The following PCDHGA8 variants were observed in gnomAD, a reference collection of about 807,000 sequenced individuals.
PCDHGA8 encodes protocadherin gamma subfamily A, 8.
Under a neutral mutation model 59.2 loss-of-function variants are expected in PCDHGA8, and 45 were observed. The ratio of observed to expected loss-of-function variants is 0.76; its 90% CI spans 0.60 to 0.98. The LOEUF (loss-of-function observed/expected upper bound fraction) is 0.98. Ranked by LOEUF, PCDHGA8 falls within the 50% of genes least tolerant of loss-of-function variation. PCDHGA8 has a pLI of 0.00. For synonymous variants in PCDHGA8, 531 were observed against 519.0 expected (o/e 1.02, Z -0.32); for missense variants, 1,257 against 1,196.2 (o/e 1.05, Z -0.75).
intron 1 of PCDHGA8, among the ~76,000 whole-genome samples, chr5:141,452,103 TTTCTC>T (rs1428635203): frequency 1.3e-5 from 2 of 152,186 alleles, no homozygotes; most frequent in African/African-American, 4.8e-5. Context: ...AGAGCTTTCT[TTTCTC>T]TTCTTATTTA....
At chr5:141,422,789 T>A (rs776409955) in intron 1 of PCDHGA8, 16 of 1,614,158 alleles carry the variant, frequency 9.9e-6, no homozygotes, top group Non-Finnish European at 1.4e-5. Context: ...CTACAATCCT[T>A]CGACTATGAG....
chr5:141,494,537 G>C (rs2099755111), intron 1 of PCDHGA8, among the ~76,000 whole-genome samples: 1 of 152,168 alleles, frequency 6.6e-6, no homozygotes, highest in Non-Finnish European at 1.5e-5. Flanking sequence ...TGGGGGCAGG[G>C]AGGAAGGGGC....
At position 141,403,415 on chromosome 5, in the gene PCDHGA8, C is replaced by T. The variant is rs770058522; in HGVS notation, c.2424+8178C>T. 6.8e-6 allele frequency: 11 copies of T among 1,614,046 alleles called. No individual in the cohort carries two copies. The South Asian group carries it at 1.2e-4, about 18-fold the overall frequency. ...GGTTCCTGGAGCACGTTATCCACTT[C>T]CAGAAGCTATTGATCCGGATGTTGG... On this transcript the variant is annotated intron_variant, in intron 1 of 3. Coordinates refer to ENST00000398604, the MANE Select transcript of PCDHGA8 (RefSeq NM_032088.2).
rs1561728654 is a variant in PCDHGA8, at chr5:141,410,479, G to C, written c.2424+15242G>C. 3.7e-6 allele frequency: 6 copies of C among 1,613,838 alleles called. No homozygotes were observed. In the African/African-American group the frequency reaches 8.0e-5, roughly 22 times the overall value. ...CTTATAATCTGTGCATTGCACATAC[G>C]GGTACAAAAGAGTTTAATTTCCTAA... On this transcript the variant is annotated intron_variant, in intron 1 of 3. Coordinates refer to ENST00000398604, the MANE Select transcript of PCDHGA8 (RefSeq NM_032088.2).
At position 141,486,679 on chromosome 5, in the gene PCDHGA8, A is replaced by G. The variant is rs1416879364; in HGVS notation, c.2425-8128A>G. The G allele has an allele frequency of 6.2e-7, 1 of 1,614,092 alleles. No individual in the cohort carries two copies. The highest frequency in any genetic ancestry group is 1.7e-5 in the Admixed American group (1 of 60,026). On this transcript the variant is annotated intron_variant, in intron 1 of 3. Coordinates refer to ENST00000398604, the MANE Select transcript of PCDHGA8 (RefSeq NM_032088.2). The surrounding 1 kb of genome is among the most constrained non-coding windows in gnomAD (Gnocchi z 5.0). Reference sequence around the variant, plus strand: ...TCCTGGAGCCCAGGAATCGAGATGTATCAGCTTCCTCTTTCATCTCTCTGA... The same window carrying G: ...TCCTGGAGCCCAGGAATCGAGATGTGTCAGCTTCCTCTTTCATCTCTCTGA...
At chr5:141,456,352 C>T (rs1253586137) in intron 1 of PCDHGA8, among the ~76,000 whole-genome samples, 1 of 152,050 alleles carries the variant, frequency 6.6e-6, no homozygotes, top group Non-Finnish European at 1.5e-5. Flanking sequence ...GGAAGAATGG[C>T]GTCCATGTGT....
rs775270875 is a variant in PCDHGA8 at position 141,410,577 on chromosome 5, A to G, written c.2424+15340A>G. ...TCTCCTGGAGCCTTAATTCCACCTCATGGTGGGGAGGATTTGACTTCACAT... is the reference window on the plus strand; with the variant it reads ...TCTCCTGGAGCCTTAATTCCACCTCGTGGTGGGGAGGATTTGACTTCACAT... On this transcript the variant is annotated intron_variant, in intron 1 of 3. Coordinates refer to ENST00000398604, the MANE Select transcript of PCDHGA8 (RefSeq NM_032088.2). 4 of 1,610,116 alleles carry G rather than the reference A, an allele frequency of 2.5e-6. No homozygotes were observed. In the Admixed American group the frequency reaches 5.0e-5, roughly 20 times the overall value.
intron 1 of PCDHGA8, chr5:141,408,692 ATAAAC>A: frequency 1.2e-6 from 2 of 1,613,906 alleles, no homozygotes; most frequent in Non-Finnish European, 1.7e-6. Flanking sequence ...TGATATAAAC[ATAAAC>A]TCAATTAAAG....
At chr5:141,469,994 C>T (rs948868787) in intron 1 of PCDHGA8, among the ~76,000 whole-genome samples, 2 of 151,830 alleles carry the variant, frequency 1.3e-5, no homozygotes, top group Non-Finnish European at 1.5e-5. Flanking sequence ...AGCTGGTCGT[C>T]GTGGCACGCC....
chr5:141,415,885 C>A (rs778154458), intron 1 of PCDHGA8: 7 of 978,904 alleles, frequency 7.2e-6, no homozygotes, highest in Non-Finnish European at 9.6e-6. Context: ...ACAATATTGA[C>A]AATTCCTAAG....
chr5:141,465,777 C>G (rs2099109055), intron 1 of PCDHGA8, among the ~76,000 whole-genome samples: 2 of 151,768 alleles, frequency 1.3e-5, no homozygotes, highest in African/African-American at 2.4e-5. Flanking sequence ...TCTCTTGTTA[C>G]AGTTTTTTTT....
chr5:141,433,623 G>A (rs2097635547), intron 1 of PCDHGA8, among the ~76,000 whole-genome samples: 1 of 152,070 alleles, frequency 6.6e-6, no homozygotes, highest in African/African-American at 2.4e-5. Flanking sequence ...ATCACCTGAG[G>A]TTGGGAGTTT....
At position 141,393,277 on chromosome 5, in the gene PCDHGA8, C is replaced by T. The variant is rs749579658; in HGVS notation, c.464C>T (p.Pro155Leu). The T allele has an allele frequency of 2.5e-6, 4 of 1,613,844 alleles. No individual in the cohort carries two copies. The highest frequency in any genetic ancestry group is 3.4e-6 in the Non-Finnish European group (4 of 1,179,906). ...IAVPGARYPL[P>L]EAVDPDVGVN... ...GTTCCTGGAGCACGTTATCCACTCC[C>T]AGAAGCTGTTGACCCGGATGTGGGC... is the stretch of plus-strand genomic sequence containing the variant. Residue 155 changes from proline (P) to leucine (L), a missense_variant, in exon 1 of 4, where the codon CCA becomes CTA. Physicochemically the swap from Pro to Leu is moderately conservative, Grantham distance 98. Transcript: ENST00000398604.
Position 141,450,758 on chromosome 5 carries a change from A to C in PCDHGA8, c.2425-44049A>C, listed in dbSNP as rs1007910264. On this transcript the variant is annotated intron_variant, in intron 1 of 3. Transcript: ENST00000398604. ...CGCCTTGGCCTCCCAAAGTGCCGGGATTACAGGCATGAGCCACCGTGCCCG... is the reference window on the plus strand; with the variant it reads ...CGCCTTGGCCTCCCAAAGTGCCGGGCTTACAGGCATGAGCCACCGTGCCCG... Among the ~76,000 whole-genome samples the C allele has an allele frequency of 5.3e-5, 8 of 151,784 alleles. No individual in the cohort carries two copies. In the East Asian group the frequency reaches 1.4e-3, roughly 26 times the overall value.
intron 1 of PCDHGA8, among the ~76,000 whole-genome samples, chr5:141,475,518 T>C (rs963473660): frequency 1.3e-5 from 2 of 152,356 alleles, no homozygotes; most frequent in East Asian, 1.9e-4. Flanking sequence ...TCCACGGAAA[T>C]GCTAAATGCC....
At chr5:141,501,290 TACACACACACACACAC>T (rs55762287) in intron 2 of PCDHGA8, among the ~76,000 whole-genome samples, 7 of 136,164 alleles carry the variant, frequency 5.1e-5, no homozygotes, top group South Asian at 2.4e-4. Context: ...TATTCCCTTA[TACACACACACACACAC>T]ACACACACAC....
intron 1 of PCDHGA8, chr5:141,427,083 C>T: frequency 2.2e-6 from 1 of 458,128 alleles, no homozygotes; most frequent in South Asian, 1.5e-5. Flanking sequence ...AGCCACTGAC[C>T]AGGATGAGGG....
At position 141,490,155 on chromosome 5, in the gene PCDHGA8, G is replaced by A. The variant is rs753981059; in HGVS notation, c.2425-4652G>A. On this transcript the variant is annotated intron_variant, in intron 1 of 3. Transcript: ENST00000398604. This position sits in a 1 kb window ranked among gnomAD's most constrained non-coding sequence, Gnocchi z 5.4. ...CTAGCAGTGGGGCAATCCATGTGTT[G>A]GGTCCCATAGACTTTGAGGAGTCAC... 2 of 1,614,214 alleles carry A rather than the reference G, an allele frequency of 1.2e-6. No individual in the cohort carries two copies. The highest frequency in any genetic ancestry group is 1.1e-5 in the South Asian group (1 of 91,086).
At chr5:141,483,967 G>C (rs2099589454) in intron 1 of PCDHGA8, among the ~76,000 whole-genome samples, 1 of 149,276 alleles carries the variant, frequency 6.7e-6, no homozygotes, top group African/African-American at 2.5e-5. Flanking sequence ...TTCTGTGCTT[G>C]TGCAAGGGAG....
Sources: gnomAD v4.1 joint callset for allele counts (sites outside exome capture counted in the v4.1 genomes callset) on GRCh38, gnomAD v4.1.1 for gene constraint, Gnocchi (gnomAD v3.1) non-coding constraint, MANE v1.5 for transcripts, NCBI Gene and HGNC (gene_info 2026-07-23, HGNC 2026-07-21) for gene names.